The following NEGR1 variants were observed in gnomAD, a reference collection of about 807,000 sequenced individuals.
The protein encoded by NEGR1 is neuronal growth regulator 1, also known as IgLON family member 4.
A neutral mutation model predicts 40.9 loss-of-function variants in NEGR1; 10 were observed. That is an observed-to-expected ratio of 0.24 (90% CI 0.15 to 0.42). NEGR1 has a LOEUF of 0.42. Among genes scored for constraint, NEGR1 ranks in the 10% least tolerant of loss-of-function variants. NEGR1 has a pLI of 1.00. For missense variants in NEGR1, 352 were observed against 438.9 expected, an observed-to-expected ratio of 0.80 and a Z score of 1.77; for synonymous variants, 185 against 166.8, an observed-to-expected ratio of 1.11 and a Z score of -0.84.
chr1:71,537,797 G>T (rs922159946), intron 6 of NEGR1, among the ~76,000 whole-genome samples: 4 of 151,716 alleles, frequency 2.6e-5, no homozygotes, highest in Non-Finnish European at 5.9e-5. Context: ...ATATGGATTG[G>T]TTTTTGAGCT....
At chr1:71,759,627 T>TTTTTTTTTA (rs1655870686) in intron 3 of NEGR1, among the ~76,000 whole-genome samples, 1 of 117,756 alleles carries the variant, frequency 8.5e-6, no homozygotes, top group Non-Finnish European at 1.8e-5. Flanking sequence ...TTTTTTTTTT[T>TTTTTTTTTA]GAGACGGAGT....
At chr1:71,986,044 T>G (rs1316832909) in intron 1 of NEGR1, among the ~76,000 whole-genome samples, 2 of 152,236 alleles carry the variant, frequency 1.3e-5, no homozygotes, top group African/African-American at 2.4e-5. Context: ...AGGAATATCT[T>G]GAGTATACAT....
At chr1:71,617,951 T>G (rs1650497041) in intron 4 of NEGR1, among the ~76,000 whole-genome samples, 1 of 152,190 alleles carries the variant, frequency 6.6e-6, no homozygotes, top group Non-Finnish European at 1.5e-5. Context: ...GTCGCAAAAC[T>G]TGCTTACTTA....
At chr1:71,550,949 A>C (rs1019942679) in intron 6 of NEGR1, among the ~76,000 whole-genome samples, 2 of 151,594 alleles carry the variant, frequency 1.3e-5, no homozygotes, top group African/African-American at 2.4e-5. Context: ...ATAACTTAGA[A>C]CATCTACATC....
At chr1:71,739,083 C>G (rs567135378) in intron 3 of NEGR1, among the ~76,000 whole-genome samples, 1 of 151,724 alleles carries the variant, frequency 6.6e-6, no homozygotes, top group South Asian at 2.1e-4. Flanking sequence ...TGTGTGTAAG[C>G]CTGTTGCCAA....
At chr1:72,049,123 G>T (rs1334960065) in intron 1 of NEGR1, among the ~76,000 whole-genome samples, 1 of 151,306 alleles carries the variant, frequency 6.6e-6, no homozygotes, top group African/African-American at 2.4e-5. Context: ...AGGAGTTCAA[G>T]ACACCAGCCT....
intron 6 of NEGR1, among the ~76,000 whole-genome samples, chr1:71,509,505 G>A (rs1647058931): frequency 1.3e-5 from 2 of 152,174 alleles, no homozygotes; most frequent in African/African-American, 4.8e-5. Flanking sequence ...TATGTCTGGT[G>A]GAATTGTGGG....
intron 1 of NEGR1, among the ~76,000 whole-genome samples, chr1:72,014,929 T>G (rs1646695611): frequency 6.6e-6 from 1 of 152,104 alleles, no homozygotes; most frequent in South Asian, 2.1e-4. Context: ...TATTCTTTCA[T>G]AAAGTAATGC....
At chr1:71,485,328 C>T (rs556915838) in intron 6 of NEGR1, among the ~76,000 whole-genome samples, 1 of 151,546 alleles carries the variant, frequency 6.6e-6, no homozygotes, top group Admixed American at 6.6e-5. Flanking sequence ...GAATGAAAGA[C>T]ATAGAACTTC....
chr1:71,754,563 T>C (rs1655671729), intron 3 of NEGR1, among the ~76,000 whole-genome samples: 1 of 152,124 alleles, frequency 6.6e-6, no homozygotes, highest in Non-Finnish European at 1.5e-5. Context: ...ATAGCATCCC[T>C]ATCTGGAACC....
chr1:71,588,888 C>T (rs146169952), intron 6 of NEGR1, among the ~76,000 whole-genome samples: 65 of 152,272 alleles, frequency 4.3e-4, no homozygotes, highest in African/African-American at 1.5e-3. Flanking sequence ...TGCTCATATA[C>T]ACACAGCCAT....
intron 1 of NEGR1, among the ~76,000 whole-genome samples, chr1:72,046,031 T>A (rs1569872688): frequency 6.6e-6 from 1 of 151,536 alleles, no homozygotes; most frequent in East Asian, 1.9e-4. Context: ...GAAAATATAA[T>A]CATCTAACAG....
chr1:72,139,429 G>T (rs1021983139), intron 1 of NEGR1, among the ~76,000 whole-genome samples: 2 of 151,770 alleles, frequency 1.3e-5, no homozygotes, highest in African/African-American at 2.4e-5. Context: ...AAAAATATTT[G>T]ATCATTATCA....
intron 2 of NEGR1, among the ~76,000 whole-genome samples, chr1:71,797,867 C>A (rs961695999): frequency 6.6e-6 from 1 of 151,670 alleles, no homozygotes; most frequent in African/African-American, 2.4e-5. Flanking sequence ...TTGTGCAGAT[C>A]ATTTTTATCG....
chr1:72,031,782 G>A (rs1036821749), intron 1 of NEGR1, among the ~76,000 whole-genome samples: 2 of 152,122 alleles, frequency 1.3e-5, no homozygotes, highest in Non-Finnish European at 2.9e-5. Flanking sequence ...GAAAGGGTCT[G>A]AAGGGAGGAA....
intron 1 of NEGR1, among the ~76,000 whole-genome samples, chr1:72,218,585 G>A (rs1238421066): frequency 2.0e-5 from 3 of 151,890 alleles, no homozygotes; most frequent in South Asian, 2.1e-4. Flanking sequence ...TAGAATCAAT[G>A]AATATATGTT....
chr1:72,205,756 C>CAAAAA (rs35490878), intron 1 of NEGR1, among the ~76,000 whole-genome samples: 6 of 30,880 alleles, frequency 1.9e-4, no homozygotes, highest in Admixed American at 1.5e-3. Flanking sequence ...CCCATTTCTA[C>CAAAAA]AAAAAAAAAA....
intron 3 of NEGR1, among the ~76,000 whole-genome samples, chr1:71,717,150 A>C (rs553627869): frequency 6.6e-6 from 1 of 152,034 alleles, no homozygotes; most frequent in Admixed American, 6.5e-5. Flanking sequence ...GCCATGTGAA[A>C]CCCCTATTAT....
chr1:71,609,513 TCAAAAAAAAAAAAAAAAA>T, intron 5 of NEGR1, among the ~76,000 whole-genome samples: 1 of 4,204 alleles, frequency 2.4e-4, no homozygotes, highest in Non-Finnish European at 7.0e-4. Context: ...AGACTCCGTC[TCAAAAAAAAAAAAAAAAA>T]AAAAAAAAAA....
Sources: allele counts gnomAD v4.1 joint callset (sites outside exome capture counted in the v4.1 genomes callset), GRCh38; gene constraint gnomAD v4.1.1; transcripts MANE v1.5; gene names NCBI Gene and HGNC (gene_info 2026-07-23, HGNC 2026-07-21).